Variants in CHD6 observed in about 807,000 individuals in gnomAD.
CHD6 encodes ATP-dependent chromatin remodeler CHD6.
Under a neutral mutation model 276.9 loss-of-function variants are expected in CHD6, and 50 were observed. The ratio of observed to expected loss-of-function variants is 0.18; its 90% confidence interval spans 0.14 to 0.23. The LOEUF (loss-of-function observed/expected upper bound fraction) is 0.23. Ranked by LOEUF, CHD6 falls within the 10% of genes least tolerant of loss-of-function variation. CHD6 has a pLI of 1.00. For missense variants in CHD6, 2,564 were observed against 3,365.8 expected (o/e 0.76, Z 5.89); for synonymous variants, 1,173 against 1,229.3 (o/e 0.95, Z 0.96).
chr20:41,426,463 A>G (rs570662679), intron 27 of CHD6, among the ~76,000 whole-genome samples: 1 of 152,232 alleles, frequency 6.6e-6, no homozygotes, highest in South Asian at 2.1e-4. Context: ...TACAAGTACT[A>G]TTTTAGTTGT....
At chr20:41,471,340 ATTAT>A (rs1039361241) in intron 17 of CHD6, among the ~76,000 whole-genome samples, 12 of 152,176 alleles carry the variant, frequency 7.9e-5, no homozygotes, top group East Asian at 1.9e-4. Context: ...TTTGCTTATT[ATTAT>A]TTTAGTGTTG....
intron 17 of CHD6, among the ~76,000 whole-genome samples, chr20:41,469,899 T>G (rs2145766283): frequency 6.6e-6 from 1 of 152,366 alleles, no homozygotes; most frequent in South Asian, 2.1e-4. Flanking sequence ...TAGTACCCAG[T>G]TTCTATCCTG....
chr20:41,458,070 T>C (rs765951809), intron 17 of CHD6, among the ~76,000 whole-genome samples: 1 of 152,230 alleles, frequency 6.6e-6, no homozygotes, highest in Non-Finnish European at 1.5e-5. Context: ...GGTACCTTTA[T>C]TTCCTGTATT....
chr20:41,409,869 T>C (rs1055454379), intron 36 of CHD6, among the ~76,000 whole-genome samples: 1 of 152,216 alleles, frequency 6.6e-6, no homozygotes, highest in Non-Finnish European at 1.5e-5. Flanking sequence ...CTCAAAACTA[T>C]ACACATACAG....
chr20:41,416,331 C>A (rs370141482), intron 33 of CHD6, among the ~76,000 whole-genome samples: 11 of 152,112 alleles, frequency 7.2e-5, no homozygotes, highest in Admixed American at 6.5e-4. Flanking sequence ...CCTGCTTGGC[C>A]CCCCTAGCCA....
rs1189363033 is a variant in CHD6, at chr20:41,483,293, T to C, written c.2468+16A>G. 1 of 1,596,726 alleles carries C rather than the reference T, an allele frequency of 6.3e-7. No individual in the cohort carries two copies. The highest frequency in any genetic ancestry group is 1.1e-5 in the South Asian group (1 of 87,972). ...CTGTCCCATTGTTGAATGCAGAGCTTTGACACAAGTCTCACCTTCTCTGGA... is the reference window on the plus strand; with the variant it reads ...CTGTCCCATTGTTGAATGCAGAGCTCTGACACAAGTCTCACCTTCTCTGGA... On this transcript the variant is annotated intron_variant, in intron 16 of 36. Transcript: ENST00000373233.
chr20:41,413,243 C>T (rs1460240184), intron 35 of CHD6, 81 bp downstream of exon 35: 2 of 1,185,312 alleles, frequency 1.7e-6, no homozygotes, highest in Non-Finnish European at 2.3e-6. Context: ...TCCTGGTTGC[C>T]CTCAGCATGC....
Position 41,420,682 on chromosome 20 carries a change from G to C in CHD6, c.5953C>G (p.Pro1985Ala). The change falls in exon 31 of 37, where the codon CCA (proline) becomes GCA (alanine). Residue 1985 changes from proline to alanine, a missense_variant. This residue lies in a region of CHD6 where 1,024 missense variants were observed against 1,047.9 expected (regional missense o/e 0.98). Transcript: ENST00000373233. ...TGCTTCACTTTAAACGGCTGTGATG[G>C]AATAGCAGTGGGTTCACCCTCCATG... ...IAMEGEPTAI[P>A]SQPFKVKHEL... is the part of the protein sequence containing the mutation. The C allele has an allele frequency of 2.5e-6, 4 of 1,614,188 alleles. No individual in the cohort carries two copies. The South Asian group carries it at 3.3e-5, about 13-fold the overall frequency.
chr20:41,580,280 C>T (rs1443634109), intron 1 of CHD6, among the ~76,000 whole-genome samples: 1 of 152,100 alleles, frequency 6.6e-6, no homozygotes, highest in Admixed American at 6.5e-5. Context: ...AATAGTGAAT[C>T]CAAAATATTG....
intron 27 of CHD6, among the ~76,000 whole-genome samples, chr20:41,433,332 T>G (rs937985966): frequency 4.6e-5 from 7 of 151,860 alleles, no homozygotes; most frequent in African/African-American, 1.7e-4. Context: ...TTCTGAAAAC[T>G]AAAGACAAAG....
In CHD6 at chr20:41,533,538, T is replaced by A. The variant is rs749278751; in HGVS notation, c.66A>T (p.Pro22=). Residue 22 remains proline (P), a synonymous_variant, in exon 3 of 37, where the codon CCA becomes CCT. Transcript: ENST00000373233. ...LSNLKVLNHS[P]MSDASVNFDY... ...CAAAATTGACAGAGGCATCAGACAT[T>A]GGGGAGTGATTCAAAACTTTTAAAT... is the stretch of plus-strand genomic sequence containing the variant. 1 of 1,610,332 alleles carries A rather than the reference T, an allele frequency of 6.2e-7. No individual in the cohort carries two copies. The highest frequency in any genetic ancestry group is 8.5e-7 in the Non-Finnish European group (1 of 1,179,544).
At chr20:41,409,347 A>C (rs556098520) in intron 36 of CHD6, among the ~76,000 whole-genome samples, 1 of 152,318 alleles carries the variant, frequency 6.6e-6, no homozygotes, top group South Asian at 2.1e-4. Context: ...CTTCCAGGAA[A>C]GGCCTGCGGA....
At chr20:41,500,222 A>C (rs1255316034) in intron 5 of CHD6, among the ~76,000 whole-genome samples, 1 of 152,172 alleles carries the variant, frequency 6.6e-6, no homozygotes, top group Non-Finnish European at 1.5e-5. Context: ...AAACTGCCAA[A>C]TTCGGTATTC....
chr20:41,406,582 A>G (rs2046682292), intron 36 of CHD6, among the ~76,000 whole-genome samples: 6 of 152,236 alleles, frequency 3.9e-5, no homozygotes, highest in Admixed American at 3.9e-4. Context: ...GGATGCAGCC[A>G]GGAACCTGGT....
In CHD6 at chr20:41,425,328, C is replaced by A; in HGVS notation, c.4196G>T (p.Arg1399Ile). The A allele has an allele frequency of 6.2e-7, 1 of 1,614,212 alleles. No homozygotes were observed. The highest frequency in any genetic ancestry group is 8.5e-7 in the Non-Finnish European group (1 of 1,180,046). The change falls in exon 29 of 37, where the codon AGA becomes ATA. Residue 1399 changes from arginine to isoleucine, a missense_variant. Arg to Ile is a moderately conservative substitution (Grantham distance 97). Transcript: ENST00000373233. ...PVSSALTARL[R>I]RLVTVYQRCN... ...GCGCTGGTAAACAGTGACCAGACGT[C>A]TGAGACGAGCTGTGAGGGCGGAGGA...
intron 30 of CHD6, among the ~76,000 whole-genome samples, 190 bp downstream of exon 30, chr20:41,423,302 T>C (rs1341734555): frequency 3.3e-5 from 5 of 152,244 alleles, no homozygotes; most frequent in African/African-American, 9.6e-5. Context: ...TACATCATTT[T>C]GGGAGAGAGA....
At chr20:41,442,337 A>C (rs1485259762) in intron 25 of CHD6, among the ~76,000 whole-genome samples, 1 of 151,972 alleles carries the variant, frequency 6.6e-6, no homozygotes, top group African/African-American at 2.4e-5. Context: ...CTGTAGCCCC[A>C]GCTACTTGGG....
At chr20:41,614,331 T>C (rs920163511) in intron 1 of CHD6, among the ~76,000 whole-genome samples, 2 of 152,144 alleles carry the variant, frequency 1.3e-5, no homozygotes, top group African/African-American at 4.8e-5. Context: ...TTGAAATAGA[T>C]AACAAAAGCA....
rs2046910499 is a variant in CHD6 at position 41,413,671 on chromosome 20, C to T, written c.6940-156G>A. ...CTGAATTAGAACCCTACACACACCACTGACCCACGCCCACATAAGCTCTTG... is the reference window on the plus strand; with the variant it reads ...CTGAATTAGAACCCTACACACACCATTGACCCACGCCCACATAAGCTCTTG... On this transcript the variant is annotated intron_variant, in intron 34 of 36. Coordinates refer to ENST00000373233, the MANE Select transcript of CHD6 (RefSeq NM_032221.5). 5.3e-6 allele frequency: 3 copies of T among 564,014 alleles called. No individual in the cohort carries two copies. The African/African-American group carries it at 5.8e-5, about 11-fold the overall frequency. 34.9% of individuals were successfully genotyped at this position (564,014 alleles called of 1,614,324 possible). A position where few individuals can be genotyped will look rare whatever the true frequency, so the allele number is the denominator to read the frequency against.
Sources: gnomAD v4.1 joint callset for allele counts (sites outside exome capture counted in the v4.1 genomes callset) on GRCh38, gnomAD v4.1.1 for gene constraint, gnomAD v4.1.1 regional missense constraint, MANE v1.5 for transcripts, NCBI Gene and HGNC (gene_info 2026-07-23, HGNC 2026-07-21) for gene names.